Variants in SPAG16 observed in about 807,000 individuals in gnomAD.
SPAG16 encodes sperm-associated antigen 16 protein.
Under a neutral mutation model 80.4 loss-of-function variants are expected in SPAG16, and 86 were observed. The observed-to-expected ratio is 1.07, with a 90% confidence interval of 0.90 to 1.28. The LOEUF (loss-of-function observed/expected upper bound fraction) is 1.28, where lower values mean the gene tolerates loss of function less well. Ranked by LOEUF, SPAG16 falls within the 50% of genes most tolerant of loss-of-function variation. The pLI, the probability that SPAG16 is intolerant of heterozygous loss-of-function variation, is 0.00. For missense variants in SPAG16, 870 were observed against 765.3 expected, an observed-to-expected ratio of 1.14 and a Z score of -1.61; for synonymous variants, 294 against 265.9, an observed-to-expected ratio of 1.11 and a Z score of -1.03.
At chr2:214,203,207 A>G (rs1457291322) in intron 15 of SPAG16, among the ~76,000 whole-genome samples, 1 of 152,214 alleles carries the variant, frequency 6.6e-6, no homozygotes, top group Non-Finnish European at 1.5e-5. Flanking sequence ...CAATTTAAAC[A>G]TAAACTTCCA....
intron 11 of SPAG16, among the ~76,000 whole-genome samples, chr2:213,920,448 C>T (rs575891139): frequency 8.5e-5 from 13 of 152,270 alleles, no homozygotes; most frequent in South Asian, 4.1e-4. Flanking sequence ...AACCCACCCA[C>T]GTACACACAT....
intron 10 of SPAG16, among the ~76,000 whole-genome samples, chr2:213,821,640 T>C (rs1294171254): frequency 6.6e-6 from 1 of 152,188 alleles, no homozygotes; most frequent in African/African-American, 2.4e-5. Flanking sequence ...TTATCAAATA[T>C]GAAATCCTAT....
intron 15 of SPAG16, among the ~76,000 whole-genome samples, chr2:214,164,883 A>C (rs2056584860): frequency 6.6e-6 from 1 of 152,116 alleles, no homozygotes; most frequent in Non-Finnish European, 1.5e-5. Context: ...TGCTCCGGAC[A>C]CTGCTAAGAG....
At chr2:214,285,153 T>A (rs892360394) in intron 15 of SPAG16, among the ~76,000 whole-genome samples, 1 of 152,204 alleles carries the variant, frequency 6.6e-6, no homozygotes, top group Non-Finnish European at 1.5e-5. Context: ...ATCTTTTTGA[T>A]AATAGACAAT....
intron 10 of SPAG16, among the ~76,000 whole-genome samples, chr2:213,588,524 C>G (rs1376566887): frequency 1.3e-5 from 2 of 151,052 alleles, no homozygotes; most frequent in African/African-American, 4.9e-5. Context: ...TATCCATGGC[C>G]GGGCGCGGTG....
intron 10 of SPAG16, among the ~76,000 whole-genome samples, chr2:213,740,776 T>A (rs1294842419): frequency 6.6e-6 from 1 of 152,092 alleles, no homozygotes; most frequent in African/African-American, 2.4e-5. Flanking sequence ...GAGTGTGGGG[T>A]AAAGATGGGG....
Position 214,353,103 on chromosome 2 carries a change from A to G in SPAG16, c.1721-57037A>G, listed in dbSNP as rs570612152. On this transcript the variant is annotated intron_variant, in intron 15 of 15. Transcript: ENST00000331683. ...TAATTATTTTATATCACCCTGTTAC[A>G]AATGGGTCATAATCTAAATATTTAT... Among the ~76,000 whole-genome samples the G allele has an allele frequency of 1.2e-4, 18 of 152,222 alleles. No homozygotes were observed. In the South Asian group the frequency reaches 3.7e-3, roughly 32 times the overall value.
chr2:213,972,528 T>C (rs1480530182), intron 12 of SPAG16, among the ~76,000 whole-genome samples: 1 of 152,166 alleles, frequency 6.6e-6, no homozygotes, highest in African/African-American at 2.4e-5. Context: ...ATTTTTGCTC[T>C]ATTTGTGTCT....
chr2:213,623,804 C>T (rs2061866070), intron 10 of SPAG16, among the ~76,000 whole-genome samples: 1 of 151,944 alleles, frequency 6.6e-6, no homozygotes, highest in Non-Finnish European at 1.5e-5. Context: ...CCAGAGTAAA[C>T]ACCAATGAAT....
chr2:214,008,837 G>T (rs1489592808), intron 12 of SPAG16, among the ~76,000 whole-genome samples: 5 of 151,998 alleles, frequency 3.3e-5, no homozygotes, highest in Admixed American at 3.3e-4. Flanking sequence ...ATTGAGTTCT[G>T]TTGTAAGGAG....
intron 12 of SPAG16, among the ~76,000 whole-genome samples, chr2:213,945,087 G>A (rs1202851986): frequency 6.6e-6 from 1 of 151,584 alleles, no homozygotes; most frequent in African/African-American, 2.4e-5. Flanking sequence ...TTTGTTCTCT[G>A]CCATGTGAAA....
At chr2:213,558,566 C>A (rs1307268003) in intron 10 of SPAG16, among the ~76,000 whole-genome samples, 1 of 151,530 alleles carries the variant, frequency 6.6e-6, no homozygotes, top group Non-Finnish European at 1.5e-5. Flanking sequence ...TTGTTGTGAA[C>A]CTAACCACTT....
At chr2:213,612,470 A>ATCT (rs2061468145) in intron 10 of SPAG16, among the ~76,000 whole-genome samples, 1 of 152,144 alleles carries the variant, frequency 6.6e-6, no homozygotes, top group African/African-American at 2.4e-5. Context: ...CATCACTTAG[A>ATCT]TATCTAATAG....
chr2:213,603,712 T>C (rs1461789406), intron 10 of SPAG16, among the ~76,000 whole-genome samples: 1 of 152,216 alleles, frequency 6.6e-6, no homozygotes, highest in African/African-American at 2.4e-5. Context: ...CATAAAATGA[T>C]TCAGTGCTAT....
chr2:213,464,282 C>T (rs1307666719), intron 9 of SPAG16, among the ~76,000 whole-genome samples: 2 of 152,152 alleles, frequency 1.3e-5, no homozygotes, highest in African/African-American at 4.8e-5. Flanking sequence ...GAGAGTAATC[C>T]AGGGGAGATG....
intron 15 of SPAG16, among the ~76,000 whole-genome samples, chr2:214,243,425 T>C (rs1010627897): frequency 3.9e-5 from 6 of 152,102 alleles, no homozygotes; most frequent in Non-Finnish European, 8.8e-5. Context: ...GCTCATAAAA[T>C]TTAACTATAG....
intron 9 of SPAG16, among the ~76,000 whole-genome samples, chr2:213,395,361 A>G (rs894239679): frequency 1.3e-5 from 2 of 152,306 alleles, no homozygotes; most frequent in Admixed American, 1.3e-4. Context: ...ATATAGTGCT[A>G]TAAATTTTCC....
At chr2:213,858,400 A>T (rs1395642164) in intron 10 of SPAG16, among the ~76,000 whole-genome samples, 1 of 152,202 alleles carries the variant, frequency 6.6e-6, no homozygotes, top group Non-Finnish European at 1.5e-5. Context: ...CCACCAGCAG[A>T]AAGATTATGA....
chr2:213,856,916 T>C (rs2075197233), intron 10 of SPAG16, among the ~76,000 whole-genome samples: 1 of 152,126 alleles, frequency 6.6e-6, no homozygotes, highest in Admixed American at 6.5e-5. Context: ...GCTAAGATAA[T>C]GAATGAAGGT....
Sources: gnomAD v4.1 joint callset for allele counts (sites outside exome capture counted in the v4.1 genomes callset) on GRCh38, gnomAD v4.1.1 for gene constraint, MANE v1.5 for transcripts, NCBI Gene and HGNC (gene_info 2026-07-23, HGNC 2026-07-21) for gene names.